The following ATP8A1 variants were observed in gnomAD, a reference collection of about 807,000 sequenced individuals.
ATP8A1 encodes the protein ATPase phospholipid transporting 8A1, also known as phospholipid-transporting ATPase IA.
A neutral mutation model predicts 177.7 loss-of-function variants in ATP8A1; 90 were observed. The ratio of observed to expected loss-of-function variants is 0.51; its 90% CI spans 0.43 to 0.60. ATP8A1 has a LOEUF of 0.60. Ranked by LOEUF, ATP8A1 falls within the 20% of genes least tolerant of loss-of-function variation. The probability of loss-of-function intolerance (pLI) is 0.00; values close to 1 mark genes in which losing one functional copy is unlikely to be tolerated. For synonymous variants in ATP8A1, 493 were observed against 485.9 expected (o/e 1.01, Z -0.19); for missense variants, 1,072 against 1,392.8 (o/e 0.77, Z 3.67).
chr4:42,555,147 TATC>T lies in ATP8A1; in HGVS notation c.1413+818_1413+820del, dbSNP rs1487191416. ...TATCTATCTATCTATCTAATCTATC[TATC>T]TATCTATCTATCTATCTATCTATCT... is the stretch of plus-strand genomic sequence containing the variant. On this transcript the variant is annotated intron_variant, in intron 16 of 36. Transcript: ENST00000381668. Among the ~76,000 whole-genome samples, 694 of 74,408 alleles carry T rather than the reference TATC, an allele frequency of 9.3e-3. 19 individuals carry two copies. The highest frequency in any genetic ancestry group is 0.015 in the East Asian group (40 of 2,732). The allele number at this position is 74,408 out of a possible 152,430, so 48.8% of individuals were successfully genotyped here.
chr4:42,629,252 A>G (rs1444270296), intron 1 of ATP8A1, among the ~76,000 whole-genome samples: 1 of 152,102 alleles, frequency 6.6e-6, no homozygotes, highest in African/African-American at 2.4e-5. Flanking sequence ...TAAAGAGAAA[A>G]CTCACCAAAA....
At chr4:42,456,862 A>C (rs1291083394) in intron 27 of ATP8A1, among the ~76,000 whole-genome samples, 2 of 152,210 alleles carry the variant, frequency 1.3e-5, no homozygotes, top group African/African-American at 4.8e-5. Flanking sequence ...TCATTATGGA[A>C]GCATGAATTA....
chr4:42,537,876 C>T (rs924667259), intron 20 of ATP8A1, among the ~76,000 whole-genome samples: 5 of 152,094 alleles, frequency 3.3e-5, no homozygotes, highest in Non-Finnish European at 7.4e-5. Flanking sequence ...CATCAAAATA[C>T]CACCACCATT....
chr4:42,492,014 G>A (rs995799430), intron 24 of ATP8A1, among the ~76,000 whole-genome samples: 10 of 152,176 alleles, frequency 6.6e-5, no homozygotes, highest in Non-Finnish European at 1.0e-4. Flanking sequence ...TAATGGTAGT[G>A]GCTTCCAGAT....
chr4:42,521,626 A>G (rs1045494742), intron 22 of ATP8A1, among the ~76,000 whole-genome samples: 4 of 152,180 alleles, frequency 2.6e-5, no homozygotes, highest in Admixed American at 6.6e-5. Context: ...GTTTGTCACA[A>G]TGGTTTCTTT....
chr4:42,629,439 T>C (rs1166145603), intron 1 of ATP8A1, among the ~76,000 whole-genome samples: 2 of 152,214 alleles, frequency 1.3e-5, no homozygotes, highest in Non-Finnish European at 2.9e-5. Flanking sequence ...CTTCGCTCTG[T>C]TGTGCCCTGA....
At chr4:42,550,508 A>G (rs139118117) in intron 18 of ATP8A1, among the ~76,000 whole-genome samples, 79 of 152,234 alleles carry the variant, frequency 5.2e-4, no homozygotes, top group African/African-American at 1.8e-3. Flanking sequence ...CAATTAGACA[A>G]CTCTGTAAGG....
chr4:42,414,037 T>C (rs939848543), intron 36 of ATP8A1, among the ~76,000 whole-genome samples: 3 of 152,120 alleles, frequency 2.0e-5, no homozygotes, highest in African/African-American at 7.2e-5. Flanking sequence ...TCTTGAAGTA[T>C]AAAGAGCAAA....
intron 33 of ATP8A1, among the ~76,000 whole-genome samples, chr4:42,441,629 T>C (rs1716654854): frequency 6.6e-6 from 1 of 152,164 alleles, no homozygotes; most frequent in African/African-American, 2.4e-5. Flanking sequence ...TTGGCATTAT[T>C]GTGAGGCTCA....
chr4:42,461,523 T>C (rs1203012529), intron 27 of ATP8A1, among the ~76,000 whole-genome samples: 1 of 152,200 alleles, frequency 6.6e-6, no homozygotes, highest in Non-Finnish European at 1.5e-5. Context: ...AGACGTGACT[T>C]GTTCCTCCTT....
intron 5 of ATP8A1, among the ~76,000 whole-genome samples, chr4:42,607,388 A>G (rs1735899479): frequency 6.6e-6 from 1 of 152,250 alleles, no homozygotes; most frequent in Admixed American, 6.5e-5. Flanking sequence ...AGTCAATCCT[A>G]TAATTCATTG....
rs776393129 is a variant in ATP8A1, at chr4:42,495,624, TTTG to T, written c.2151+7823_2151+7825del. 1.1e-4 allele frequency among the ~76,000 whole-genome samples: 16 copies of T among 149,634 alleles called. No homozygotes were observed. The South Asian group carries it at 2.1e-3, about 20-fold the overall frequency. Reference sequence around the variant, plus strand: ...AAATTGTATTTATTGGTTTTTTTTTTTTGATGTAGTTTTTGATCAAAAAGCTTT... The same window carrying T: ...AAATTGTATTTATTGGTTTTTTTTTTATGTAGTTTTTGATCAAAAAGCTTT... On this transcript the variant is annotated intron_variant, in intron 24 of 36. Coordinates refer to ENST00000381668, the MANE Select transcript of ATP8A1 (RefSeq NM_006095.2).
At chr4:42,543,424 A>G (rs1003109124) in intron 20 of ATP8A1, among the ~76,000 whole-genome samples, 1 of 152,210 alleles carries the variant, frequency 6.6e-6, no homozygotes, top group Admixed American at 6.5e-5. Context: ...AGAATAACAT[A>G]TTACTATTTC....
At chr4:42,599,145 A>G (rs1167595109) in intron 6 of ATP8A1, among the ~76,000 whole-genome samples, 1 of 152,190 alleles carries the variant, frequency 6.6e-6, no homozygotes, top group Non-Finnish European at 1.5e-5. Flanking sequence ...TTTAGAGTGA[A>G]GTAGTACATT....
At chr4:42,619,986 C>T (rs1034338783) in intron 4 of ATP8A1, among the ~76,000 whole-genome samples, 2 of 152,150 alleles carry the variant, frequency 1.3e-5, no homozygotes, top group African/African-American at 2.4e-5. Flanking sequence ...CATCACGTGT[C>T]TTTGAGTAAG....
chr4:42,618,518 T>A (rs979964685), intron 4 of ATP8A1, among the ~76,000 whole-genome samples: 2 of 152,202 alleles, frequency 1.3e-5, no homozygotes, highest in Non-Finnish European at 2.9e-5. Flanking sequence ...GTCTCAGACA[T>A]GGAAACACAT....
intron 33 of ATP8A1, among the ~76,000 whole-genome samples, chr4:42,435,629 C>T (rs547704398): frequency 1.1e-3 from 163 of 152,258 alleles, no homozygotes; most frequent in African/African-American, 3.8e-3. Context: ...CTGCCCACCT[C>T]ACTGACCCCA....
chr4:42,543,438 C>G (rs2153206820), intron 20 of ATP8A1, among the ~76,000 whole-genome samples: 1 of 152,090 alleles, frequency 6.6e-6, no homozygotes, highest in Middle Eastern at 3.4e-3. Context: ...CTATTTCTGT[C>G]AATATAAGCT....
intron 27 of ATP8A1, among the ~76,000 whole-genome samples, chr4:42,457,609 G>C (rs761225833): frequency 1.2e-4 from 18 of 152,178 alleles, no homozygotes; most frequent in Non-Finnish European, 2.4e-4. Context: ...AAATGCATTT[G>C]CAATCATCAA....
Sources: allele counts gnomAD v4.1 joint callset (sites outside exome capture counted in the v4.1 genomes callset), GRCh38; gene constraint gnomAD v4.1.1; transcripts MANE v1.5; gene names NCBI Gene and HGNC (gene_info 2026-07-23, HGNC 2026-07-21).